The following MYO1F variants were observed in gnomAD, a reference collection of about 807,000 sequenced individuals.
The protein encoded by MYO1F is unconventional myosin-If.
A neutral mutation model predicts 146.6 loss-of-function variants in MYO1F; 60 were observed. The ratio of observed to expected loss-of-function variants is 0.41; its 90% confidence interval spans 0.33 to 0.51. The LOEUF (loss-of-function observed/expected upper bound fraction) is 0.51, where lower values mean the gene tolerates loss of function less well. Ranked by LOEUF, MYO1F falls within the 20% of genes least tolerant of loss-of-function variation. The probability of loss-of-function intolerance (pLI) is 0.25; values close to 1 mark genes in which losing one functional copy is unlikely to be tolerated. For missense variants in MYO1F, 1,274 were observed against 1,534.3 expected (o/e 0.83, Z 2.83); for synonymous variants, 602 against 602.1 (o/e 1.00, Z 0.00).
chr19:8,563,716 T>C (rs1375894481), intron 1 of MYO1F, among the ~76,000 whole-genome samples: 2 of 151,794 alleles, frequency 1.3e-5, no homozygotes, highest in African/African-American at 4.8e-5. Context: ...TTCACTATGT[T>C]GGTCAGGCTG....
chr19:8,561,845 C>A (rs1260506259), intron 1 of MYO1F, among the ~76,000 whole-genome samples: 1 of 151,414 alleles, frequency 6.6e-6, no homozygotes, highest in Non-Finnish European at 1.5e-5. Context: ...GCCTCCCGGG[C>A]AGCTGGGACT....
At chr19:8,553,892 A>ACTCTCTCTCT (rs569819927) in intron 4 of MYO1F, among the ~76,000 whole-genome samples, 11,802 of 103,992 alleles carry the variant, frequency 0.11, 682 homozygotes, top group East Asian at 0.28. Flanking sequence ...ACACACACAC[A>ACTCTCTCTCT]CACTCTCTCT....
At position 8,536,327 on chromosome 19, in the gene MYO1F, C is replaced by T; in HGVS notation, c.1968G>A (p.Leu656=). Reference sequence around the variant, plus strand: ...CGGGCTCCATGTTGACCGCCCGAAGCAGGTGCTGGACGCCCTGGCGTTCGT... The same window carrying T: ...CGGGCTCCATGTTGACCGCCCGAAGTAGGTGCTGGACGCCCTGGCGTTCGT... ...RGDERQGVQH[L]LRAVNMEPDQ... Residue 656 remains leucine, a synonymous_variant, in exon 19 of 28, where the codon CTG becomes CTA. Transcript: ENST00000644032. 6.2e-7 allele frequency: 1 copy of T among 1,608,176 alleles called. No homozygotes were observed. Among genetic ancestry groups the T allele is most frequent in the South Asian group, 1.1e-5 (1 of 91,072 alleles).
chr19:8,561,071 A>G (rs1974079602), intron 1 of MYO1F, among the ~76,000 whole-genome samples: 1 of 151,798 alleles, frequency 6.6e-6, no homozygotes, highest in South Asian at 2.1e-4. Flanking sequence ...TCATAGAGAC[A>G]TGGTCTTGCT....
intron 19 of MYO1F, 135 bp downstream of exon 19, chr19:8,536,117 T>C: frequency 2.6e-6 from 3 of 1,136,146 alleles, no homozygotes; most frequent in Non-Finnish European, 3.8e-6. Context: ...CTCAATCTGT[T>C]TCTCAATTTC....
chr19:8,561,464 C>G (rs1974118773), intron 1 of MYO1F, among the ~76,000 whole-genome samples: 2 of 123,186 alleles, frequency 1.6e-5, no homozygotes, highest in Admixed American at 1.8e-4. Flanking sequence ...CTCTCCCTCT[C>G]TCTCTCTTTC....
Position 8,577,433 on chromosome 19 carries a change from G to C in MYO1F, c.-124C>G, listed in dbSNP as rs782808370. ...GCTTCTGCCCGTTCACCGGACTCCC[G>C]GCTTTAGTTCCTCTTACAACAGCCC... is the stretch of plus-strand genomic sequence containing the variant. On this transcript the variant is annotated 5_prime_UTR_variant, in exon 1 of 28. Transcript: ENST00000644032. The surrounding 1 kb of genome is among the most constrained non-coding windows in gnomAD (Gnocchi z 4.3). 1 of 1,101,980 alleles carries C rather than the reference G, an allele frequency of 9.1e-7. No individual in the cohort carries two copies. The highest frequency in any genetic ancestry group is 1.4e-6 in the Non-Finnish European group (1 of 731,102). 68.3% of individuals were successfully genotyped at this position (1,101,980 alleles called of 1,614,324 possible).
At chr19:8,550,429 T>G in intron 9 of MYO1F, 73 bp from the exon 10 acceptor site, 1 of 1,586,708 alleles carries the variant, frequency 6.3e-7, no homozygotes, top group Non-Finnish European at 8.6e-7. Flanking sequence ...GGGCCTCCTA[T>G]TATCCCCATC....
chr19:8,532,972 T>G (rs1424210935), intron 19 of MYO1F, among the ~76,000 whole-genome samples: 1 of 140,106 alleles, frequency 7.1e-6, no homozygotes, highest in African/African-American at 2.7e-5. Context: ...TTTAGAAAAA[T>G]TAGCACTTCA....
At chr19:8,573,355 C>A (rs1487430820) in intron 1 of MYO1F, among the ~76,000 whole-genome samples, 5 of 151,832 alleles carry the variant, frequency 3.3e-5, no homozygotes, top group Non-Finnish European at 5.9e-5. Flanking sequence ...ACATGACCAC[C>A]ATCACCAACC....
chr19:8,566,457 G>A (rs2042006709), intron 1 of MYO1F, among the ~76,000 whole-genome samples: 2 of 139,628 alleles, frequency 1.4e-5, no homozygotes, highest in South Asian at 2.3e-4. Flanking sequence ...GTGAGCCACC[G>A]CGCCCGGCCT....
chr19:8,548,855 C>T (rs7258614), intron 10 of MYO1F, among the ~76,000 whole-genome samples: 24,806 of 151,386 alleles, frequency 0.16, 4,415 homozygotes, highest in African/African-American at 0.44. Context: ...CCCAAAGTGC[C>T]GGGATTACAG....
At chr19:8,551,428 T>G in intron 8 of MYO1F, 1 of 325,188 alleles carries the variant, frequency 3.1e-6, no homozygotes. Flanking sequence ...CTCGGCTCAC[T>G]GCAACTTCCA....
At chr19:8,561,594 T>TC (rs143840733) in intron 1 of MYO1F, among the ~76,000 whole-genome samples, 22,937 of 132,304 alleles carry the variant, frequency 0.17, 3,463 homozygotes, top group East Asian at 0.74. Context: ...CCTCCCTCCC[T>TC]CTCTTCTCTT....
rs1972108904 is a variant in MYO1F, at chr19:8,522,652, G to C, written c.3032C>G (p.Pro1011Arg). The change falls in exon 26 of 28, where the codon CCT becomes CGT. Residue 1011 changes from proline (P) to arginine (R), a missense_variant. Physicochemically the swap from Pro to Arg is moderately radical, Grantham distance 103. Around this residue, in one of 2 missense-constraint regions of MYO1F, gnomAD observed 374 missense variants for 379.2 expected, o/e 0.99. Transcript: ENST00000644032. Reference protein sequence around the residue: ...SEHNTEFLNVPDQGMAGMQRK... With the variant: ...SEHNTEFLNVRDQGMAGMQRK... ...CACCTACCCGGCCATGCCCTGGTCA[G>C]GCACGTTGAGGAATTCTGTGTTGTG... The C allele has an allele frequency of 6.2e-7, 1 of 1,613,802 alleles. No homozygotes were observed. The highest frequency in any genetic ancestry group is 8.5e-7 in the Non-Finnish European group (1 of 1,179,986).
intron 10 of MYO1F, 123 bp downstream of exon 10, chr19:8,550,037 G>T: frequency 1.8e-6 from 2 of 1,142,494 alleles, no homozygotes; most frequent in South Asian, 1.3e-5. Flanking sequence ...TGGCCTCAAA[G>T]AATGCTCCCA....
intron 1 of MYO1F, among the ~76,000 whole-genome samples, chr19:8,566,161 C>CTTTT (rs781059040): frequency 1.4e-4 from 11 of 78,344 alleles, no homozygotes; most frequent in Admixed American, 1.9e-4. Context: ...CAGTCTATGT[C>CTTTT]TTTTTTTTTT....
rs1170660990 is a variant in MYO1F at position 8,553,339 on chromosome 19, C to G, written c.414+11G>C. ...GCGACCCAGCTTATCCTTCTGTTTT[C>G]CTCGTCTCACCTGGACCTTCTCGCC... On this transcript the variant is annotated intron_variant, in intron 5 of 27. Transcript: ENST00000644032. 1.2e-6 allele frequency: 2 copies of G among 1,613,942 alleles called. No homozygotes were observed. The highest frequency in any genetic ancestry group is 1.1e-5 in the South Asian group (1 of 91,072).
intron 19 of MYO1F, 91 bp downstream of exon 19, chr19:8,536,161 C>G (rs1267504878): frequency 6.9e-7 from 1 of 1,452,982 alleles, no homozygotes; most frequent in Non-Finnish European, 9.4e-7. Context: ...ATCTCTGTCT[C>G]CCTCTGTCTC....
Sources: gnomAD v4.1 joint callset for allele counts (sites outside exome capture counted in the v4.1 genomes callset) on GRCh38, gnomAD v4.1.1 for gene constraint, gnomAD v4.1.1 regional missense constraint, Gnocchi (gnomAD v3.1) non-coding constraint, MANE v1.5 for transcripts, NCBI Gene and HGNC (gene_info 2026-07-23, HGNC 2026-07-21) for gene names.